CSRNP3: variants seen among roughly 807,000 people sequenced by gnomAD.
CSRNP3 encodes the protein cysteine/serine-rich nuclear protein 3.
CSRNP3 carries 12 observed loss-of-function variants against 48.0 expected under a neutral mutation model. The observed-to-expected ratio is 0.25, with a 90% CI of 0.16 to 0.41. The LOEUF is 0.41. Ranked by LOEUF, CSRNP3 falls within the 10% of genes least tolerant of loss-of-function variation. The pLI is 1.00. For synonymous variants in CSRNP3, 263 were observed against 269.7 expected, an observed-to-expected ratio of 0.98 and a Z score of 0.24; for missense variants, 580 against 724.4, an observed-to-expected ratio of 0.80 and a Z score of 2.29.
At chr2:165,669,627 T>C (rs1385901831) in intron 5 of CSRNP3, among the ~76,000 whole-genome samples, 4 of 152,082 alleles carry the variant, frequency 2.6e-5, no homozygotes, top group Admixed American at 1.3e-4. Context: ...TTGGGAATGG[T>C]TTTCTCACAG....
intron 4 of CSRNP3, among the ~76,000 whole-genome samples, chr2:165,612,871 A>G (rs1686162716): frequency 1.3e-5 from 2 of 152,094 alleles, no homozygotes; most frequent in South Asian, 4.1e-4. Flanking sequence ...TATTGTGAAT[A>G]GCGCTGCAGT....
intron 3 of CSRNP3, among the ~76,000 whole-genome samples, chr2:165,520,770 T>TTTTATATATATATTATATACA (rs1309899786): frequency 9.3e-6 from 1 of 107,372 alleles, no homozygotes; most frequent in African/African-American, 3.8e-5. Context: ...TAGAAATATA[T>TTTTATATATATATTATATACA]TATATATATA....
intron 4 of CSRNP3, among the ~76,000 whole-genome samples, chr2:165,648,348 A>G (rs971240332): frequency 6.6e-6 from 1 of 152,122 alleles, no homozygotes; most frequent in South Asian, 2.1e-4. Context: ...ACCATCCCCA[A>G]TATTAATTGC....
At chr2:165,573,272 A>G (rs1397823005) in intron 3 of CSRNP3, among the ~76,000 whole-genome samples, 2 of 152,020 alleles carry the variant, frequency 1.3e-5, no homozygotes, top group African/African-American at 4.8e-5. Flanking sequence ...AGAAAAACAA[A>G]TTTGCTTAAT....
chr2:165,655,139 A>G (rs1319178812), intron 4 of CSRNP3, among the ~76,000 whole-genome samples: 1 of 152,166 alleles, frequency 6.6e-6, no homozygotes, highest in Non-Finnish European at 1.5e-5. Context: ...ATCCAATTAG[A>G]GTCAATTTTT....
chr2:165,565,845 T>C (rs1255835588), intron 3 of CSRNP3, among the ~76,000 whole-genome samples: 1 of 152,100 alleles, frequency 6.6e-6, no homozygotes, highest in Non-Finnish European at 1.5e-5. Flanking sequence ...AATACTTTTA[T>C]ATAGTTTTCT....
At chr2:165,492,415 G>T (rs1452813599) in intron 1 of CSRNP3, among the ~76,000 whole-genome samples, 1 of 152,004 alleles carries the variant, frequency 6.6e-6, no homozygotes, top group Non-Finnish European at 1.5e-5. Flanking sequence ...ATCACCCACT[G>T]TGTCTCTCTT....
At chr2:165,648,376 A>G (rs1345225986) in intron 4 of CSRNP3, among the ~76,000 whole-genome samples, 3 of 152,190 alleles carry the variant, frequency 2.0e-5, no homozygotes, top group African/African-American at 7.2e-5. Flanking sequence ...GTTGATGGCT[A>G]GGGCATTCTG....
intron 3 of CSRNP3, among the ~76,000 whole-genome samples, chr2:165,590,923 A>G (rs1248046828): frequency 2.0e-5 from 3 of 150,560 alleles, no homozygotes; most frequent in South Asian, 2.1e-4. Context: ...GGGTGCTGCT[A>G]TAAAGATACT....
chr2:165,627,396 T>G lies in CSRNP3; in HGVS notation c.149-30365T>G, dbSNP rs1387191799. 3.3e-5 allele frequency among the ~76,000 whole-genome samples: 5 copies of G among 152,334 alleles called. No individual in the cohort carries two copies. The East Asian group carries it at 7.7e-4, about 24-fold the overall frequency. On this transcript the variant is annotated intron_variant, in intron 4 of 6. Coordinates refer to ENST00000651982, the MANE Select transcript of CSRNP3 (RefSeq NM_001172173.2). ...ATCTCCCCTGGAAGCTCTTTTGCAC[T>G]GACTGCTCTTTCTATTATAGCCACA... is the stretch of plus-strand genomic sequence containing the variant.
At chr2:165,531,782 A>G (rs996803704) in intron 3 of CSRNP3, among the ~76,000 whole-genome samples, 10 of 152,160 alleles carry the variant, frequency 6.6e-5, no homozygotes, top group African/African-American at 2.4e-4. Flanking sequence ...TGGTTTTTTG[A>G]AAAGATCAAC....
intron 4 of CSRNP3, among the ~76,000 whole-genome samples, chr2:165,618,413 C>A (rs760301790): frequency 2.0e-5 from 3 of 152,152 alleles, no homozygotes; most frequent in Non-Finnish European, 4.4e-5. Flanking sequence ...TTCTTCTCTG[C>A]GAAGCATGTT....
In CSRNP3 at chr2:165,657,913, G is replaced by A. The variant is rs142720587; in HGVS notation, c.301G>A (p.Val101Met). 28 of 1,614,098 alleles carry A rather than the reference G, an allele frequency of 1.7e-5. No homozygotes were observed. Among genetic ancestry groups the A allele is most frequent in the East Asian group, 8.9e-5 (4 of 44,848 alleles). Reference protein sequence around the residue: ...TLGMSSRHNSVRQYTLGEFAR... With the variant: ...TLGMSSRHNSMRQYTLGEFAR... ...GGGGATGTCCAGCCGCCATAACAGC[G>A]TGCGCCAGTACACTCTTGGCGAGTT... Residue 101 changes from valine to methionine, a missense_variant, in exon 5 of 7, where the codon GTG (valine) becomes ATG (methionine). Coordinates refer to ENST00000651982, the MANE Select transcript of CSRNP3 (RefSeq NM_001172173.2).
At chr2:165,544,538 A>T (rs1684998867) in intron 3 of CSRNP3, among the ~76,000 whole-genome samples, 1 of 147,828 alleles carries the variant, frequency 6.8e-6, no homozygotes, top group South Asian at 2.1e-4. Context: ...AAGAGAAAAA[A>T]TGTAGGAGAT....
At chr2:165,645,765 G>A (rs1236857273) in intron 4 of CSRNP3, among the ~76,000 whole-genome samples, 1 of 152,056 alleles carries the variant, frequency 6.6e-6, no homozygotes, top group Non-Finnish European at 1.5e-5. Context: ...TTATTTTTGA[G>A]ACAGGGTTTT....
At chr2:165,618,054 G>A (rs990009415) in intron 4 of CSRNP3, among the ~76,000 whole-genome samples, 1 of 152,238 alleles carries the variant, frequency 6.6e-6, no homozygotes, top group African/African-American at 2.4e-5. Flanking sequence ...GTCCTGGGGA[G>A]TGGGTAGGAC....
At position 165,685,865 on chromosome 2, in the gene CSRNP3, A is replaced by G. The variant is rs561227035; in HGVS notation, c.*6112A>G. On this transcript the variant is annotated 3_prime_UTR_variant, in exon 7 of 7. Transcript: ENST00000651982. ...TAATGATGTAACTCCTCTCTTTATC[A>G]TTACCACGGTGATAGTTAAGTTCAT... The G allele has an allele frequency of 6.6e-6, 1 of 152,224 alleles. No individual in the cohort carries two copies. The highest frequency in any genetic ancestry group is 1.9e-4 in the East Asian group (1 of 5,180). The allele number at this position is 152,224 out of a possible 1,614,324, so 9.4% of individuals were successfully genotyped here. A position where few individuals can be genotyped will look rare whatever the true frequency, so the allele number is the denominator to read the frequency against.
At chr2:165,551,507 C>T (rs1261423561) in intron 3 of CSRNP3, among the ~76,000 whole-genome samples, 1 of 152,148 alleles carries the variant, frequency 6.6e-6, no homozygotes, top group Non-Finnish European at 1.5e-5. Flanking sequence ...AAAACTCTCA[C>T]ATGTGTCTTA....
At chr2:165,535,718 A>G (rs923204313) in intron 3 of CSRNP3, among the ~76,000 whole-genome samples, 5 of 151,870 alleles carry the variant, frequency 3.3e-5, no homozygotes, top group African/African-American at 1.2e-4. Context: ...AGGGGAACAC[A>G]GTCTGGAAAA....
Sources: allele counts gnomAD v4.1 joint callset (sites outside exome capture counted in the v4.1 genomes callset), GRCh38; gene constraint gnomAD v4.1.1; transcripts MANE v1.5; gene names NCBI Gene and HGNC (gene_info 2026-07-23, HGNC 2026-07-21).